Variants in PAPOLA observed in about 807,000 individuals in gnomAD.
PAPOLA encodes the protein polynucleotide adenylyltransferase alpha.
A neutral mutation model predicts 100.6 loss-of-function variants in PAPOLA; 15 were observed. That is an observed-to-expected ratio of 0.15 (90% CI 0.10 to 0.23). PAPOLA has a LOEUF of 0.23. Ranked by LOEUF, PAPOLA falls within the 10% of genes least tolerant of loss-of-function variation. The pLI is 1.00. For synonymous variants in PAPOLA, 293 were observed against 300.0 expected (o/e 0.98, Z 0.24); for missense variants, 533 against 884.2 (o/e 0.60, Z 5.04).
intron 5 of PAPOLA, 40 bp from the exon 6 acceptor site, chr14:96,527,913 G>A: frequency 1.4e-6 from 2 of 1,413,746 alleles, no homozygotes; most frequent in Non-Finnish European, 2.0e-6. Context: ...GGCTTAAAAT[G>A]TAGTTTCAGA....
At position 96,542,805 on chromosome 14, in the gene PAPOLA, C is replaced by T; in HGVS notation, c.1201C>T (p.Leu401=). 1 of 1,611,334 alleles carries T rather than the reference C, an allele frequency of 6.2e-7. No homozygotes were observed. Among genetic ancestry groups the T allele is most frequent in the East Asian group, 2.2e-5 (1 of 44,744 alleles). ...CTTGGTGGAATCAAAAATCCGAATC[C>T]TGGTTGGAAGCTTGGAGAAGAATGA... ...VGLVESKIRI[L]VGSLEKNEFI... is the part of the protein sequence containing the mutation. Residue 401 remains leucine (L), a synonymous_variant, in exon 14 of 22, where the codon CTG becomes TTG. Coordinates refer to ENST00000216277, the MANE Select transcript of PAPOLA (RefSeq NM_032632.5).
At chr14:96,561,193 C>T (rs990902458) in intron 20 of PAPOLA, among the ~76,000 whole-genome samples, 2 of 152,038 alleles carry the variant, frequency 1.3e-5, no homozygotes, top group Non-Finnish European at 1.5e-5. Flanking sequence ...TGGCTAGAAC[C>T]TGGGGTACAT....
chr14:96,502,644 C>T (rs755581714), intron 1 of PAPOLA, 44 bp downstream of exon 1: 1 of 1,558,144 alleles, frequency 6.4e-7, no homozygotes, highest in South Asian at 1.2e-5. Context: ...CCGGCTGGGC[C>T]TTGGGGGGCG....
rs549438487 is a variant in PAPOLA at position 96,566,708 on chromosome 14, C to T, written c.*1658C>T. 1 of 152,624 alleles carries T rather than the reference C, an allele frequency of 6.6e-6. No individual in the cohort carries two copies. The highest frequency in any genetic ancestry group is 2.1e-4 in the South Asian group (1 of 4,824). 9.5% of individuals were successfully genotyped at this position (152,624 alleles called of 1,614,324 possible). On this transcript the variant is annotated 3_prime_UTR_variant, in exon 22 of 22. Coordinates refer to ENST00000216277, the MANE Select transcript of PAPOLA (RefSeq NM_032632.5). ...TTACACAGTCACCTTGCCCTTCCTT[C>T]CACCACCGAAGAAAAAAGATGGTCA... is the stretch of plus-strand genomic sequence containing the variant.
In PAPOLA at chr14:96,560,851, C is replaced by A. The variant is rs908585065; in HGVS notation, c.2067+140C>A. ...GTTTATTACTGTTAATTATGTAATG[C>A]TGAACACTGAAGGGAATATTGTGAT... On this transcript the variant is annotated intron_variant, in intron 20 of 21. Transcript: ENST00000216277. 43 of 578,576 alleles carry A rather than the reference C, an allele frequency of 7.4e-5. No homozygotes were observed. The African/African-American group carries it at 7.8e-4, about 11-fold the overall frequency. The allele number at this position is 578,576 out of a possible 1,614,324, so 35.8% of individuals were successfully genotyped here.
intron 1 of PAPOLA, among the ~76,000 whole-genome samples, chr14:96,506,302 A>G (rs952015856): frequency 6.6e-6 from 1 of 152,204 alleles, no homozygotes; most frequent in Non-Finnish European, 1.5e-5. Context: ...CACTTTGTTT[A>G]TTTAATGTAC....
intron 14 of PAPOLA, among the ~76,000 whole-genome samples, chr14:96,543,464 T>G (rs891712927): frequency 6.6e-6 from 1 of 152,066 alleles, no homozygotes; most frequent in Non-Finnish European, 1.5e-5. Flanking sequence ...AATTGGAGAG[T>G]ACTAGTAATG....
intron 12 of PAPOLA, among the ~76,000 whole-genome samples, chr14:96,538,445 G>C (rs1305470704): frequency 6.6e-6 from 1 of 151,954 alleles, no homozygotes; most frequent in Non-Finnish European, 1.5e-5. Context: ...TCTTTTAAAA[G>C]TTTTAAACTA....
At chr14:96,528,408 A>G (rs1210150130) in intron 6 of PAPOLA, among the ~76,000 whole-genome samples, 2 of 152,210 alleles carry the variant, frequency 1.3e-5, no homozygotes, top group African/African-American at 4.8e-5. Flanking sequence ...ATCTTCCGAT[A>G]GGGGAGGATT....
At chr14:96,546,743 T>C (rs927903861) in intron 15 of PAPOLA, among the ~76,000 whole-genome samples, 1 of 152,160 alleles carries the variant, frequency 6.6e-6, no homozygotes, top group Non-Finnish European at 1.5e-5. Context: ...AGATGAATTT[T>C]GTTTCCTATC....
chr14:96,507,497 G>A lies in PAPOLA; in HGVS notation c.8+4897G>A, dbSNP rs952960246. ...AGAGACGGGGTTTCACCGTGGTCTC[G>A]ATCTCCTGACCTCGTGATCCGCCTG... On this transcript the variant is annotated intron_variant, in intron 1 of 21. Coordinates refer to ENST00000216277, the MANE Select transcript of PAPOLA (RefSeq NM_032632.5). Among the ~76,000 whole-genome samples, 5 of 151,916 alleles carry A rather than the reference G, an allele frequency of 3.3e-5. No homozygotes were observed. In the South Asian group the frequency reaches 6.2e-4, roughly 19 times the overall value.
intron 21 of PAPOLA, 42 bp from the exon 22 acceptor site, chr14:96,564,913 T>C: frequency 1.0e-6 from 1 of 982,826 alleles, no homozygotes; most frequent in Non-Finnish European, 1.6e-6. Flanking sequence ...TGTTAAATTA[T>C]GGTGCTTTGA....
rs544235355 is a variant in PAPOLA at position 96,507,489 on chromosome 14, G to T, written c.8+4889G>T. Among the ~76,000 whole-genome samples the T allele has an allele frequency of 4.0e-5, 6 of 151,810 alleles. No homozygotes were observed. The South Asian group carries it at 1.2e-3, about 32-fold the overall frequency. On this transcript the variant is annotated intron_variant, in intron 1 of 21. Coordinates refer to ENST00000216277, the MANE Select transcript of PAPOLA (RefSeq NM_032632.5). ...TTTTTAGTAGAGACGGGGTTTCACC[G>T]TGGTCTCGATCTCCTGACCTCGTGA... is the stretch of plus-strand genomic sequence containing the variant.
intron 15 of PAPOLA, among the ~76,000 whole-genome samples, chr14:96,546,123 C>A (rs1900378224): frequency 6.6e-6 from 1 of 152,082 alleles, no homozygotes; most frequent in Admixed American, 6.6e-5. Context: ...CTACCAGTTT[C>A]TTTTCAAGTT....
In PAPOLA at chr14:96,527,980, A is replaced by G; in HGVS notation, c.469A>G (p.Ile157Val). The change falls in exon 6 of 22, where the codon ATT (isoleucine) becomes GTT (valine). Residue 157 changes from isoleucine (I) to valine (V), a missense_variant. Physicochemically the swap from Ile to Val is conservative, Grantham distance 29 (BLOSUM62 3). Coordinates refer to ENST00000216277, the MANE Select transcript of PAPOLA (RefSeq NM_032632.5). ...RAVEEAFVPVIKLCFDGIEID... is the reference protein window; with the variant it reads ...RAVEEAFVPVVKLCFDGIEID... ...TGTTGAAGAGGCATTCGTACCAGTT[A>G]TTAAACTCTGTTTTGATGGGATAGA... 6.2e-7 allele frequency: 1 copy of G among 1,609,100 alleles called. No individual in the cohort carries two copies. Among genetic ancestry groups the G allele is most frequent in the Non-Finnish European group, 8.5e-7 (1 of 1,175,590 alleles).
At chr14:96,541,056 A>ATT (rs1899944536) in intron 12 of PAPOLA, among the ~76,000 whole-genome samples, 1 of 151,916 alleles carries the variant, frequency 6.6e-6, no homozygotes, top group Admixed American at 6.6e-5. Context: ...TGCCCGGCTA[A>ATT]TTTTTTGTAT....
intron 19 of PAPOLA, 143 bp from the exon 20 acceptor site, chr14:96,560,506 G>T: frequency 1.7e-6 from 1 of 602,798 alleles, no homozygotes; most frequent in Non-Finnish European, 2.9e-6. Flanking sequence ...TTTAAAAGAG[G>T]GACCAGTTAT....
At position 96,530,172 on chromosome 14, in the gene PAPOLA, G is replaced by A. The variant is rs962654613; in HGVS notation, c.496-1303G>A. 2.6e-5 allele frequency among the ~76,000 whole-genome samples: 4 copies of A among 151,992 alleles called. No individual in the cohort carries two copies. In the South Asian group the frequency reaches 8.3e-4, roughly 32 times the overall value. On this transcript the variant is annotated intron_variant, in intron 6 of 21. Transcript: ENST00000216277. ...TATAAGGCTATTTGCCTAAATTTGG[G>A]TACTTTTTAGTATGTAATCAATTTA...
rs372928558 is a variant in PAPOLA, at chr14:96,523,196, G to A, written c.250-2114G>A. Among the ~76,000 whole-genome samples, 10 of 151,864 alleles carry A rather than the reference G, an allele frequency of 6.6e-5. No individual in the cohort carries two copies. In the South Asian group the frequency reaches 2.1e-3, roughly 31 times the overall value. On this transcript the variant is annotated intron_variant, in intron 3 of 21. Transcript: ENST00000216277. ...CACTTAAAAATGAAAAAAAGATTTT[G>A]CAAGTGAAAATGTTTTTCCATGACC...
Sources: allele counts gnomAD v4.1 joint callset (sites outside exome capture counted in the v4.1 genomes callset), GRCh38; gene constraint gnomAD v4.1.1; transcripts MANE v1.5; gene names NCBI Gene and HGNC (gene_info 2026-07-23, HGNC 2026-07-21).